The following ZZZ3 variants were observed in gnomAD, a reference collection of about 807,000 sequenced individuals.
ZZZ3 encodes zinc finger ZZ-type containing 3.
Under a neutral mutation model 95.2 loss-of-function variants are expected in ZZZ3, and 22 were observed. The ratio of observed to expected loss-of-function variants is 0.23; its 90% CI spans 0.17 to 0.33. The LOEUF (loss-of-function observed/expected upper bound fraction) is 0.33, where lower values mean the gene tolerates loss of function less well. ZZZ3 is among the 10% of genes least tolerant of loss of function. The pLI is 1.00. For missense variants in ZZZ3, 885 were observed against 1,066.5 expected, an observed-to-expected ratio of 0.83 and a Z score of 2.37; for synonymous variants, 335 against 358.9, an observed-to-expected ratio of 0.93 and a Z score of 0.75.
intron 5 of ZZZ3, among the ~76,000 whole-genome samples, chr1:77,629,401 C>T (rs1029926079): frequency 6.6e-6 from 1 of 152,084 alleles, no homozygotes; most frequent in African/African-American, 2.4e-5. Flanking sequence ...GCAGATCGCT[C>T]GAACCCAGGA....
chr1:77,655,737 T>C lies in ZZZ3; in HGVS notation c.-402-14082A>G, dbSNP rs559834162. Among the ~76,000 whole-genome samples, 180 of 152,324 alleles carry C rather than the reference T, an allele frequency of 1.2e-3. 2 individuals are homozygous for C. The highest frequency in any genetic ancestry group is 7.2e-4 in the Non-Finnish European group (49 of 68,026). On this transcript the variant is annotated intron_variant, in intron 1 of 14. Coordinates refer to ENST00000370801, the MANE Select transcript of ZZZ3 (RefSeq NM_015534.6). ...AGCAGAGCACTAATATGACATCATT[T>C]AAACGTACTGACTTAGCTCAGCCTG...
At chr1:77,645,130 C>G (rs918848423) in intron 1 of ZZZ3, among the ~76,000 whole-genome samples, 5 of 151,952 alleles carry the variant, frequency 3.3e-5, no homozygotes, top group African/African-American at 9.7e-5. Flanking sequence ...CCTAGCTACT[C>G]AGGAAGCAAG....
intron 5 of ZZZ3, among the ~76,000 whole-genome samples, chr1:77,614,318 AC>A (rs1666099340): frequency 6.6e-6 from 1 of 152,152 alleles, no homozygotes; most frequent in Non-Finnish European, 1.5e-5. Context: ...GCTAGAAGTT[AC>A]CACCTCAAGG....
intron 5 of ZZZ3, among the ~76,000 whole-genome samples, chr1:77,617,827 C>T (rs1375587650): frequency 6.6e-6 from 1 of 151,450 alleles, no homozygotes; most frequent in Non-Finnish European, 1.5e-5. Flanking sequence ...CACCTGTAGT[C>T]TCAGCTACTT....
intron 1 of ZZZ3, among the ~76,000 whole-genome samples, chr1:77,682,148 G>T (rs1257061873): frequency 6.6e-6 from 1 of 152,150 alleles, no homozygotes; most frequent in Non-Finnish European, 1.5e-5. Context: ...CGAAGTCAGG[G>T]TGATGAGTAA....
At chr1:77,618,537 G>C (rs776904721) in intron 5 of ZZZ3, among the ~76,000 whole-genome samples, 13 of 152,144 alleles carry the variant, frequency 8.5e-5, no homozygotes, top group Non-Finnish European at 1.9e-4. Flanking sequence ...GCAGTGGTGA[G>C]AGAGTATATA....
chr1:77,631,798 C>A, intron 5 of ZZZ3, 52 bp downstream of exon 5: 1 of 1,397,734 alleles, frequency 7.2e-7, no homozygotes, highest in South Asian at 1.5e-5. Flanking sequence ...TACTGAAAAA[C>A]TTGGGGAATA....
intron 13 of ZZZ3, 73 bp from the exon 14 acceptor site, chr1:77,566,254 C>T (rs1660815618): frequency 9.7e-7 from 1 of 1,026,860 alleles, no homozygotes; most frequent in Non-Finnish European, 1.5e-6. Context: ...CACAAGGAAA[C>T]ACATGATGTG....
chr1:77,653,707 C>A (rs905521705), intron 1 of ZZZ3, among the ~76,000 whole-genome samples: 1 of 150,380 alleles, frequency 6.6e-6, no homozygotes, highest in Admixed American at 6.6e-5. Flanking sequence ...GAGCCTAGAT[C>A]GTGCCATTGC....
At chr1:77,641,223 C>A (rs1251073122) in intron 3 of ZZZ3, 161 bp downstream of exon 3, 44 of 225,244 alleles carry the variant, frequency 2.0e-4, no homozygotes, top group Non-Finnish European at 8.6e-6. Context: ...TAAAGTATAT[C>A]TCTGAGCATA....
At chr1:77,587,015 A>G (rs988229375) in intron 5 of ZZZ3, among the ~76,000 whole-genome samples, 5 of 152,230 alleles carry the variant, frequency 3.3e-5, no homozygotes, top group African/African-American at 1.2e-4. Flanking sequence ...TCTACTTAGA[A>G]AACAAAGCAT....
At chr1:77,571,199 G>C (rs1191501210) in intron 12 of ZZZ3, among the ~76,000 whole-genome samples, 2 of 152,098 alleles carry the variant, frequency 1.3e-5, no homozygotes, top group African/African-American at 4.8e-5. Context: ...GCATTTAAAT[G>C]CTAAGGATAT....
intron 1 of ZZZ3, among the ~76,000 whole-genome samples, chr1:77,671,084 A>G (rs1490923443): frequency 2.0e-5 from 3 of 151,988 alleles, no homozygotes; most frequent in Admixed American, 2.0e-4. Context: ...TGCCGGTCCA[A>G]CCTCAGAATG....
intron 1 of ZZZ3, among the ~76,000 whole-genome samples, chr1:77,653,782 A>G (rs1670023156): frequency 6.6e-6 from 1 of 152,044 alleles, no homozygotes; most frequent in African/African-American, 2.4e-5. Flanking sequence ...ATAATATTAC[A>G]AATAACTTCA....
intron 5 of ZZZ3, among the ~76,000 whole-genome samples, chr1:77,620,615 A>G (rs1666764559): frequency 6.6e-6 from 1 of 152,142 alleles, no homozygotes; most frequent in Admixed American, 6.5e-5. Flanking sequence ...CTTTTTCTGG[A>G]TTGGGCAAGT....
chr1:77,622,136 CAAAA>C (rs58597820), intron 5 of ZZZ3, among the ~76,000 whole-genome samples: 4 of 81,874 alleles, frequency 4.9e-5, no homozygotes, highest in Admixed American at 1.3e-4. Context: ...CTTGTCTCCA[CAAAA>C]AAAAAAAAAA....
intron 5 of ZZZ3, among the ~76,000 whole-genome samples, chr1:77,615,183 A>T (rs1666190508): frequency 6.6e-6 from 1 of 152,250 alleles, no homozygotes; most frequent in African/African-American, 2.4e-5. Context: ...ACAGTAAATG[A>T]ATTTTGGATA....
At chr1:77,606,347 A>G (rs1386033238) in intron 5 of ZZZ3, among the ~76,000 whole-genome samples, 1 of 152,196 alleles carries the variant, frequency 6.6e-6, no homozygotes. Flanking sequence ...GTAGATATCT[A>G]AAGTTTTTTA....
chr1:77,606,167 C>G (rs986335242), intron 5 of ZZZ3, among the ~76,000 whole-genome samples: 1 of 152,152 alleles, frequency 6.6e-6, no homozygotes, highest in Non-Finnish European at 1.5e-5. Context: ...ACTGAAGAGG[C>G]CTTGGGCCTT....
Sources: allele counts gnomAD v4.1 joint callset (sites outside exome capture counted in the v4.1 genomes callset), GRCh38; gene constraint gnomAD v4.1.1; transcripts MANE v1.5; gene names NCBI Gene and HGNC (gene_info 2026-07-23, HGNC 2026-07-21).